Variants in PRKAG2 observed in about 807,000 individuals in gnomAD.
PRKAG2 encodes 5'-AMP-activated protein kinase subunit gamma-2.
A neutral mutation model predicts 69.6 loss-of-function variants in PRKAG2; 26 were observed. The ratio of observed to expected loss-of-function variants is 0.37; its 90% CI spans 0.27 to 0.52. The LOEUF is 0.52. PRKAG2 is among the 20% of genes least tolerant of loss of function. PRKAG2 has a pLI of 0.90. For missense variants in PRKAG2, 557 were observed against 740.0 expected (o/e 0.75, Z 2.87); for synonymous variants, 293 against 285.0 (o/e 1.03, Z -0.28).
chr7:151,817,826 G>A (rs1283429259), intron 1 of PRKAG2, among the ~76,000 whole-genome samples: 2 of 152,156 alleles, frequency 1.3e-5, no homozygotes, highest in Non-Finnish European at 2.9e-5. Flanking sequence ...TCCAGGATTC[G>A]ATCAAAGTGA....
rs1172919454 is a variant in PRKAG2 at position 151,583,381 on chromosome 7, A to T, written c.865-6929T>A. On this transcript the variant is annotated intron_variant, in intron 6 of 15. Transcript: ENST00000287878. The surrounding 1 kb of genome is among the most constrained non-coding windows in gnomAD (Gnocchi z 4.1). ...GAAGTCTCAATTCCATCCTTCAGAG[A>T]TCTCATATAATATTCCAAACGGACA... 1.3e-5 allele frequency among the ~76,000 whole-genome samples: 2 copies of T among 152,110 alleles called. No homozygotes were observed. The highest frequency in any genetic ancestry group is 2.9e-5 in the Non-Finnish European group (2 of 68,016).
At chr7:151,842,414 G>A (rs1340506574) in intron 1 of PRKAG2, among the ~76,000 whole-genome samples, 3 of 147,574 alleles carry the variant, frequency 2.0e-5, no homozygotes, top group Non-Finnish European at 4.5e-5. Context: ...GGGGATGGTA[G>A]TGATGGTAGG....
intron 6 of PRKAG2, among the ~76,000 whole-genome samples, chr7:151,587,390 C>T (rs142537708): frequency 9.2e-5 from 14 of 152,286 alleles, no homozygotes; most frequent in Middle Eastern, 3.4e-3. Context: ...GCTCAGCCCT[C>T]ACGGAGGTGA....
At chr7:151,642,427 G>A (rs1192476952) in intron 4 of PRKAG2, among the ~76,000 whole-genome samples, 1 of 152,164 alleles carries the variant, frequency 6.6e-6, no homozygotes, top group African/African-American at 2.4e-5. Flanking sequence ...TACACAGGAG[G>A]CTGAGGTGGG....
intron 1 of PRKAG2, among the ~76,000 whole-genome samples, chr7:151,860,561 C>T (rs1307458595): frequency 2.0e-5 from 3 of 152,100 alleles, no homozygotes; most frequent in African/African-American, 4.8e-5. Context: ...AGCACGGCCC[C>T]CAGCTCACCC....
intron 4 of PRKAG2, among the ~76,000 whole-genome samples, chr7:151,654,913 G>A (rs570955613): frequency 9.2e-5 from 14 of 152,254 alleles, no homozygotes; most frequent in Non-Finnish European, 1.8e-4. Context: ...GGCTGGTCTC[G>A]AAATCCTGGC....
At chr7:151,618,962 G>A (rs957460389) in intron 5 of PRKAG2, among the ~76,000 whole-genome samples, 11 of 152,018 alleles carry the variant, frequency 7.2e-5, no homozygotes, top group African/African-American at 2.2e-4. Context: ...TGTGTACACG[G>A]GCGAGAAAAT....
At chr7:151,734,633 T>C (rs1300807980) in intron 3 of PRKAG2, among the ~76,000 whole-genome samples, 2 of 152,168 alleles carry the variant, frequency 1.3e-5, no homozygotes, top group Non-Finnish European at 2.9e-5. Context: ...AACTGTAGCC[T>C]CGACCTCCTG....
At chr7:151,612,846 T>TG (rs1819190595) in intron 5 of PRKAG2, among the ~76,000 whole-genome samples, 1 of 152,094 alleles carries the variant, frequency 6.6e-6, no homozygotes, top group Non-Finnish European at 1.5e-5. Flanking sequence ...TTACAAAACC[T>TG]GGAAGGAGAG....
intron 1 of PRKAG2, among the ~76,000 whole-genome samples, chr7:151,846,888 G>A (rs569304880): frequency 2.0e-5 from 3 of 152,298 alleles, no homozygotes; most frequent in South Asian, 2.1e-4. Context: ...CCACTAACAC[G>A]CACAGCTGGG....
intron 1 of PRKAG2, among the ~76,000 whole-genome samples, chr7:151,786,980 G>C (rs1361783490): frequency 2.0e-5 from 3 of 152,172 alleles, no homozygotes; most frequent in Non-Finnish European, 2.9e-5. Context: ...TGGGGTGGCG[G>C]CTGAGGCAAA....
At chr7:151,766,640 A>G (rs1363950727) in intron 3 of PRKAG2, among the ~76,000 whole-genome samples, 1 of 152,246 alleles carries the variant, frequency 6.6e-6, no homozygotes, top group Admixed American at 6.5e-5. Flanking sequence ...TGTTTCAAGA[A>G]AAAGGTGTCA....
intron 3 of PRKAG2, among the ~76,000 whole-genome samples, chr7:151,681,541 C>T (rs1025774865): frequency 2.6e-5 from 4 of 152,054 alleles, no homozygotes; most frequent in Non-Finnish European, 4.4e-5. Flanking sequence ...GACTGATACC[C>T]GAAATGTTTT....
intron 3 of PRKAG2, among the ~76,000 whole-genome samples, chr7:151,692,441 T>G (rs1398198065): frequency 1.3e-5 from 2 of 152,032 alleles, no homozygotes; most frequent in Non-Finnish European, 2.9e-5. Flanking sequence ...TTGCTGAGGA[T>G]GAGGGGAGAA....
At chr7:151,845,636 C>G (rs1052853616) in intron 1 of PRKAG2, among the ~76,000 whole-genome samples, 3 of 152,260 alleles carry the variant, frequency 2.0e-5, no homozygotes, top group African/African-American at 7.2e-5. Context: ...CGGTGGCTGC[C>G]GTTTTCAGAT....
chr7:151,816,172 C>T (rs191039042), intron 1 of PRKAG2, among the ~76,000 whole-genome samples: 1 of 152,236 alleles, frequency 6.6e-6, no homozygotes, highest in East Asian at 1.9e-4. Flanking sequence ...TTCTTAAAGT[C>T]ACTTTCAGCC....
chr7:151,848,512 CTTTT>C (rs1158559692), intron 1 of PRKAG2, among the ~76,000 whole-genome samples: 2 of 62,224 alleles, frequency 3.2e-5, no homozygotes, highest in African/African-American at 7.2e-5. Context: ...TACTGCATGT[CTTTT>C]TTTTTTTTTT....
At chr7:151,802,342 C>T (rs1172280623) in intron 1 of PRKAG2, among the ~76,000 whole-genome samples, 1 of 152,182 alleles carries the variant, frequency 6.6e-6, no homozygotes, top group African/African-American at 2.4e-5. Flanking sequence ...CAACACGAGG[C>T]TGCCACGTCT....
At chr7:151,642,523 C>G (rs1393365043) in intron 4 of PRKAG2, among the ~76,000 whole-genome samples, 2 of 152,246 alleles carry the variant, frequency 1.3e-5, no homozygotes, top group Admixed American at 6.5e-5. Flanking sequence ...ACTGAGACCA[C>G]CCCACTCCCC....
Sources: gnomAD v4.1 joint callset for allele counts (sites outside exome capture counted in the v4.1 genomes callset) on GRCh38, gnomAD v4.1.1 for gene constraint, Gnocchi (gnomAD v3.1) non-coding constraint, MANE v1.5 for transcripts, NCBI Gene and HGNC (gene_info 2026-07-23, HGNC 2026-07-21) for gene names.